The following TENM1 variants were observed in gnomAD, a reference collection of about 807,000 sequenced individuals.
TENM1 encodes teneurin-1.
In TENM1, 35 loss-of-function variants were observed where a neutral mutation model predicts 174.8. That is an observed-to-expected ratio of 0.20 (90% CI 0.15 to 0.27). TENM1 has a LOEUF of 0.27. Among genes scored for constraint, TENM1 ranks in the 10% least tolerant of loss-of-function variants. The probability of loss-of-function intolerance (pLI) is 1.00; values close to 1 mark genes in which losing one functional copy is unlikely to be tolerated. For missense variants in TENM1, 1,633 were observed against 2,130.1 expected, an observed-to-expected ratio of 0.77 and a Z score of 4.59; for synonymous variants, 781 against 798.7, an observed-to-expected ratio of 0.98 and a Z score of 0.37.
chrX:124,404,987 AAC>A, intron 27 of TENM1, 42 bp downstream of exon 30: 2 of 1,085,819 alleles, frequency 1.8e-6, no homozygotes. Context: ...AAACAAACAA[AAC>A]ACCTATAAAA....
intron 1 of TENM1, among the ~76,000 whole-genome samples, chrX:124,958,324 C>T (rs5958630): frequency 0.027 from 3,055 of 111,424 alleles, 117 homozygotes; most frequent in African/African-American, 0.095. Context: ...CTTATTAATA[C>T]TTCTCAAAAC....
At chrX:125,037,224 T>C in the TENM1 span, among the ~76,000 whole-genome samples, 17 of 110,339 alleles carry the variant, frequency 1.5e-4, no homozygotes, top group Non-Finnish European at 3.8e-5. Context: ...TGGTCTCTGC[T>C]TGAAATAATG....
At chrX:124,473,222 G>A (rs2061354496) in intron 22 of TENM1, among the ~76,000 whole-genome samples, 1 of 111,567 alleles carries the variant, frequency 9.0e-6, no homozygotes, top group Non-Finnish European at 1.9e-5. Context: ...ACTTCTAAAT[G>A]TCTCTGGTGC....
At chrX:124,954,359 C>T (rs2058538509) in intron 1 of TENM1, among the ~76,000 whole-genome samples, 1 of 111,254 alleles carries the variant, frequency 9.0e-6, no homozygotes, top group Admixed American at 9.6e-5. Context: ...CACTATAAAC[C>T]TCCCTCCTCC....
At chrX:124,806,645 A>G (rs766918009) in intron 3 of TENM1, among the ~76,000 whole-genome samples, 1 of 112,620 alleles carries the variant, frequency 8.9e-6, no homozygotes, top group Admixed American at 9.4e-5. Flanking sequence ...TAGGTGTGTT[A>G]GTCCACTTTT....
At chrX:124,653,867 T>A in intron 6 of TENM1, 84 bp from the exon 10 acceptor site, 2 of 834,319 alleles carry the variant, frequency 2.4e-6, no homozygotes, top group Non-Finnish European at 3.4e-6. Context: ...AGAACAGATA[T>A]ATCAAAATAA....
chrX:124,780,041 C>T (rs1181369622), intron 3 of TENM1, among the ~76,000 whole-genome samples: 3 of 111,615 alleles, frequency 2.7e-5, no homozygotes, highest in Non-Finnish European at 5.7e-5. Flanking sequence ...TTAAGAGGAT[C>T]ATTCTTCCCA....
intron 1 of TENM1, among the ~76,000 whole-genome samples, chrX:124,939,989 G>A: frequency 9.0e-6 from 1 of 111,421 alleles, no homozygotes; most frequent in African/African-American, 3.3e-5. Flanking sequence ...TTAAAAGTAG[G>A]GACCATGTCT....
At chrX:124,722,293 A>T (rs2053328632) in intron 4 of TENM1, among the ~76,000 whole-genome samples, 1 of 112,160 alleles carries the variant, frequency 8.9e-6, no homozygotes, top group Non-Finnish European at 1.9e-5. Context: ...CTGTGCATAC[A>T]TATGTCACTA....
intron 1 of TENM1, among the ~76,000 whole-genome samples, chrX:124,896,704 G>GA (rs1197394738): frequency 7.2e-5 from 8 of 111,683 alleles, no homozygotes; most frequent in Non-Finnish European, 1.3e-4. Context: ...AAAACTCTGA[G>GA]AAAAAAGCAT....
chrX:124,482,207 A>T (rs760261528), intron 21 of TENM1, among the ~76,000 whole-genome samples: 3 of 110,483 alleles, frequency 2.7e-5, no homozygotes, highest in Non-Finnish European at 5.7e-5. Context: ...CCATTTGGGG[A>T]TAGAAAGAAA....
At chrX:124,942,999 T>C (rs765198548) in intron 1 of TENM1, among the ~76,000 whole-genome samples, 1 of 111,558 alleles carries the variant, frequency 9.0e-6, no homozygotes, top group Non-Finnish European at 1.9e-5. Flanking sequence ...CTAGCAAATC[T>C]CTCTTTTCAT....
chrX:124,868,086 C>T (rs188034429), intron 3 of TENM1, among the ~76,000 whole-genome samples: 1 of 111,554 alleles, frequency 9.0e-6, no homozygotes, highest in East Asian at 2.8e-4. Context: ...GATGCAATCC[C>T]TATTAAAATC....
intron 20 of TENM1, among the ~76,000 whole-genome samples, chrX:124,494,762 G>A (rs1226421522): frequency 9.2e-6 from 1 of 108,534 alleles, no homozygotes; most frequent in Non-Finnish European, 1.9e-5. Context: ...AATATGCGGT[G>A]TTTGGTTTTC....
chrX:124,836,233 T>C (rs900163814), intron 3 of TENM1, among the ~76,000 whole-genome samples: 4 of 111,642 alleles, frequency 3.6e-5, no homozygotes, highest in Non-Finnish European at 7.5e-5. Flanking sequence ...TCTACCCCCA[T>C]TTTTAAAGTA....
In TENM1 at chrX:124,728,913, G is replaced by A. The variant is rs753194213; in HGVS notation, c.776+8044C>T. Among the ~76,000 whole-genome samples, 6 of 112,083 alleles carry A rather than the reference G, an allele frequency of 5.4e-5. No homozygotes were observed. The South Asian group carries it at 1.9e-3, about 35-fold the overall frequency. On this transcript the variant is annotated intron_variant, in intron 4 of 31. Coordinates refer to ENST00000422452, the Ensembl canonical transcript of TENM1. ...TGAGGATGGCAACACTAAATAGTACGTACCACATGGGCACTAGCATATGGA... is the reference window on the plus strand; with the variant it reads ...TGAGGATGGCAACACTAAATAGTACATACCACATGGGCACTAGCATATGGA...
chrX:124,734,761 T>A (rs777902591), intron 4 of TENM1, among the ~76,000 whole-genome samples: 5 of 112,004 alleles, frequency 4.5e-5, no homozygotes, highest in African/African-American at 1.6e-4. Context: ...TGACTAGTCC[T>A]TCTCTTTCCA....
At chrX:124,583,295 C>A (rs1419784334) in intron 11 of TENM1, among the ~76,000 whole-genome samples, 1 of 111,556 alleles carries the variant, frequency 9.0e-6, no homozygotes, top group African/African-American at 3.3e-5. Flanking sequence ...CCAGTAGGGG[C>A]AGACTGACAT....
At chrX:124,551,507 G>C (rs1356813914) in intron 14 of TENM1, among the ~76,000 whole-genome samples, 1 of 101,969 alleles carries the variant, frequency 9.8e-6, no homozygotes, top group Admixed American at 1.1e-4. Context: ...CTCATGTTAA[G>C]TGTTCTTAAC....
Sources: allele counts gnomAD v4.1 joint callset (sites outside exome capture counted in the v4.1 genomes callset), GRCh38; gene constraint gnomAD v4.1.1; transcripts MANE v1.5; gene names NCBI Gene and HGNC (gene_info 2026-07-23, HGNC 2026-07-21).